The following SLC15A5 variants were observed in gnomAD, a reference collection of about 807,000 sequenced individuals.
The protein encoded by SLC15A5 is solute carrier family 15 member 5.
In SLC15A5, 58 loss-of-function variants were observed where a neutral mutation model predicts 56.1. The observed-to-expected ratio is 1.03, with a 90% CI of 0.84 to 1.29. The LOEUF (loss-of-function observed/expected upper bound fraction) is 1.29, where lower values mean the gene tolerates loss of function less well. Among genes scored for constraint, SLC15A5 ranks in the 50% most tolerant of loss-of-function variants. The pLI is 0.00. For missense variants in SLC15A5, 681 were observed against 672.1 expected (o/e 1.01, Z -0.15); for synonymous variants, 264 against 250.5 (o/e 1.05, Z -0.51).
chr12:16,242,640 A>T (rs1864423926), intron 4 of SLC15A5, among the ~76,000 whole-genome samples: 1 of 152,232 alleles, frequency 6.6e-6, no homozygotes, highest in African/African-American at 2.4e-5. Context: ...TAAGTTGCAC[A>T]TCTAGATTTG....
rs1477291430 is a variant in SLC15A5, at chr12:16,277,561, A to C, written c.125T>G (p.Val42Gly). ...CSSHSVKKIQVGICLLLVELC... is the reference protein window; with the variant it reads ...CSSHSVKKIQGGICLLLVELC... ...CTCCACCAGAAGCAAGCAGATTCCA[A>C]CCTGAATTTTTTTCACAGAGTGTGA... The change falls in exon 1 of 9, where the codon GTT becomes GGT. Residue 42 changes from valine (V) to glycine (G), a missense_variant. By Grantham distance (109) the Val-to-Gly change is moderately radical. Coordinates refer to ENST00000344941, the MANE Select transcript of SLC15A5 (RefSeq NM_001170798.1). 1 of 1,536,456 alleles carries C rather than the reference A, an allele frequency of 6.5e-7. No individual in the cohort carries two copies. The highest frequency in any genetic ancestry group is 8.7e-7 in the Non-Finnish European group (1 of 1,146,448).
Position 16,224,498 on chromosome 12 carries a change from G to T in SLC15A5, c.1267C>A (p.Leu423Ile). The T allele has an allele frequency of 6.5e-7, 1 of 1,537,238 alleles. No individual in the cohort carries two copies. Among genetic ancestry groups the T allele is most frequent in the Non-Finnish European group, 8.7e-7 (1 of 1,146,924 alleles). Reference sequence around the variant, plus strand: ...AAACAGGGCATGGAGGAAACAGTGAGAACTTTTCCTGAAAGGGGCTGCTCC... The same window carrying T: ...AAACAGGGCATGGAGGAAACAGTGATAACTTTTCCTGAAAGGGGCTGCTCC... ...AVEQPLSGKV[L>I]TVSSMPCFYL... The change falls in exon 6 of 9, where the codon CTC (leucine) becomes ATC (isoleucine). Residue 423 changes from leucine (L) to isoleucine (I), a missense_variant. Physicochemically the swap from Leu to Ile is conservative, Grantham distance 5. Transcript: ENST00000344941.
At chr12:16,255,789 T>TA (rs5796659) in intron 3 of SLC15A5, among the ~76,000 whole-genome samples, 26,061 of 151,000 alleles carry the variant, frequency 0.17, 2,455 homozygotes, top group Middle Eastern at 0.22. Flanking sequence ...CTATACTAAG[T>TA]AAAAAAAAAG....
At chr12:16,189,850 CAGATGT>C in intron 8 of SLC15A5, 35 bp from the exon 9 acceptor site, 1 of 1,409,004 alleles carries the variant, frequency 7.1e-7, no homozygotes, top group Non-Finnish European at 9.3e-7. Flanking sequence ...TTCTTAGGAC[CAGATGT>C]AGATGAATTG....
At chr12:16,224,678 T>C in intron 5 of SLC15A5, 76 bp from the exon 6 acceptor site, 4 of 1,345,800 alleles carry the variant, frequency 3.0e-6, no homozygotes, top group Non-Finnish European at 3.9e-6. Context: ...ATAACATTTC[T>C]TACCCATTGA....
chr12:16,264,219 T>G (rs542154612), intron 2 of SLC15A5, among the ~76,000 whole-genome samples: 41 of 152,318 alleles, frequency 2.7e-4, no homozygotes, highest in Middle Eastern at 3.4e-3. Flanking sequence ...ACCTCTTGCA[T>G]TAGCATGACC....
chr12:16,221,017 A>G (rs1864182642), intron 6 of SLC15A5, among the ~76,000 whole-genome samples: 1 of 151,912 alleles, frequency 6.6e-6, no homozygotes. Context: ...AACATGTCTT[A>G]GTAGGGTAGG....
At position 16,272,720 on chromosome 12, in the gene SLC15A5, G is replaced by T; in HGVS notation, c.425C>A (p.Ala142Glu). Reference sequence around the variant, plus strand: ...CTCTGTTTTTGGTATGTTGTTAACTGCATGGTAAGTGCCCAGATAGAAATC... The same window carrying T: ...CTCTGTTTTTGGTATGTTGTTAACTTCATGGTAAGTGCCCAGATAGAAATC... ...LEDFYLGTYH[A>E]VNNIPKTEQH... Residue 142 changes from alanine (A) to glutamate (E), a missense_variant, in exon 2 of 9, where the codon GCA becomes GAA. Physicochemically the swap from Ala to Glu is moderately radical, Grantham distance 107. Coordinates refer to ENST00000344941, the MANE Select transcript of SLC15A5 (RefSeq NM_001170798.1). The T allele has an allele frequency of 1.3e-6, 2 of 1,537,252 alleles. No homozygotes were observed. Among genetic ancestry groups the T allele is most frequent in the South Asian group, 1.2e-5 (1 of 84,062 alleles).
In SLC15A5 at chr12:16,188,493, A is replaced by G. The variant is rs1385232147; in HGVS notation, c.*1175T>C. On this transcript the variant is annotated 3_prime_UTR_variant, in exon 9 of 9. Transcript: ENST00000344941. ...ATGCGTAGCATACCTAATCAAGTTGAGTAAATCTTTTATTCTACAGACCTA... is the reference window on the plus strand; with the variant it reads ...ATGCGTAGCATACCTAATCAAGTTGGGTAAATCTTTTATTCTACAGACCTA... The G allele has an allele frequency of 1.3e-5, 2 of 152,264 alleles. No homozygotes were observed. Among genetic ancestry groups the G allele is most frequent in the Non-Finnish European group, 2.9e-5 (2 of 68,050 alleles). 9.4% of individuals were successfully genotyped at this position (152,264 alleles called of 1,614,324 possible).
chr12:16,273,292 T>G (rs1864780593), intron 1 of SLC15A5, among the ~76,000 whole-genome samples: 1 of 151,990 alleles, frequency 6.6e-6, no homozygotes, highest in Admixed American at 6.6e-5. Flanking sequence ...TCTTTCCTAC[T>G]TCTGTTTCTC....
chr12:16,189,422 T>G lies in SLC15A5; in HGVS notation c.*246A>C, dbSNP rs1187488743. 32 of 277,508 alleles carry G rather than the reference T, an allele frequency of 1.2e-4. 1 individual carries two copies. The East Asian group carries it at 1.8e-3, about 15-fold the overall frequency. 17.2% of individuals were successfully genotyped at this position (277,508 alleles called of 1,614,324 possible). Reference sequence around the variant, plus strand: ...GTGTATAGAAAACTGTCATTTTTTTTGTCATAGAGTAATCACTGAGACTTT... The same window carrying G: ...GTGTATAGAAAACTGTCATTTTTTTGGTCATAGAGTAATCACTGAGACTTT... On this transcript the variant is annotated 3_prime_UTR_variant, in exon 9 of 9. Transcript: ENST00000344941.
At chr12:16,276,678 G>A (rs917461148) in intron 1 of SLC15A5, among the ~76,000 whole-genome samples, 1 of 151,968 alleles carries the variant, frequency 6.6e-6, no homozygotes, top group Admixed American at 6.6e-5. Context: ...TGTTCTTCAA[G>A]TTGCTCTCTA....
rs1864346576 is a variant in SLC15A5, at chr12:16,235,692, C to T, written c.1162+3989G>A. 6.6e-6 allele frequency among the ~76,000 whole-genome samples: 1 copy of T among 152,126 alleles called. No homozygotes were observed. Among genetic ancestry groups the T allele is most frequent in the African/African-American group, 2.4e-5 (1 of 41,448 alleles). On this transcript the variant is annotated intron_variant, in intron 5 of 8. Transcript: ENST00000344941. This position sits in a 1 kb window ranked among gnomAD's most constrained non-coding sequence, Gnocchi z 4.1. ...GCAGTTCCTCCTATCAAGTATTTTA[C>T]AATGGGTACATACCATGATGTTTCT...
At chr12:16,223,126 G>A (rs767101933) in intron 6 of SLC15A5, among the ~76,000 whole-genome samples, 1 of 150,412 alleles carries the variant, frequency 6.6e-6, no homozygotes, top group African/African-American at 2.4e-5. Flanking sequence ...AAGTATGTGT[G>A]TGTATAAATA....
Position 16,189,413 on chromosome 12 carries a change from C to A in SLC15A5, c.*255G>T. 4.6e-6 allele frequency: 1 copy of A among 217,716 alleles called. No individual in the cohort carries two copies. The highest frequency in any genetic ancestry group is 8.2e-6 in the Non-Finnish European group (1 of 122,680). 13.5% of individuals were successfully genotyped at this position (217,716 alleles called of 1,614,324 possible). The stretch of plus-strand genomic sequence containing the variant: ...GTATTATTGGTGTATAGAAAACTGT[C>A]ATTTTTTTTGTCATAGAGTAATCAC... On this transcript the variant is annotated 3_prime_UTR_variant, in exon 9 of 9. Transcript: ENST00000344941.
chr12:16,251,004 T>G (rs1864513637), intron 3 of SLC15A5, among the ~76,000 whole-genome samples: 2 of 151,962 alleles, frequency 1.3e-5, no homozygotes, highest in Admixed American at 6.6e-5. Context: ...TTGCAACTTT[T>G]GTCATGGACA....
rs542257310 is a variant in SLC15A5 at position 16,273,372 on chromosome 12, G to A, written c.362-589C>T. ...TGGAGCCTTCTTTGCCACAAACAGAGTTGAGAAAGCTGGGGACAGAGGAGT... is the reference window on the plus strand; with the variant it reads ...TGGAGCCTTCTTTGCCACAAACAGAATTGAGAAAGCTGGGGACAGAGGAGT... On this transcript the variant is annotated intron_variant, in intron 1 of 8. Coordinates refer to ENST00000344941, the MANE Select transcript of SLC15A5 (RefSeq NM_001170798.1). 2.6e-5 allele frequency among the ~76,000 whole-genome samples: 4 copies of A among 151,900 alleles called. No individual in the cohort carries two copies. The East Asian group carries it at 7.8e-4, about 29-fold the overall frequency.
rs56094748 is a variant in SLC15A5, at chr12:16,260,187, G to A, written c.585-2317C>T. Among the ~76,000 whole-genome samples, 165 of 152,274 alleles carry A rather than the reference G, an allele frequency of 1.1e-3. 1 individual carries two copies. The highest frequency in any genetic ancestry group is 3.7e-3 in the African/African-American group (154 of 41,552). On this transcript the variant is annotated intron_variant, in intron 2 of 8. Coordinates refer to ENST00000344941, the MANE Select transcript of SLC15A5 (RefSeq NM_001170798.1). The stretch of plus-strand genomic sequence containing the variant: ...ACCTTTTCCCTAATACTTTGTGTAA[G>A]GGGAGCAGGACTTTTTTTGGAGCTG...
At chr12:16,215,908 G>C (rs1329303955) in intron 7 of SLC15A5, among the ~76,000 whole-genome samples, 2 of 152,052 alleles carry the variant, frequency 1.3e-5, no homozygotes, top group Non-Finnish European at 2.9e-5. Flanking sequence ...TGCTTGCCAT[G>C]GTATCACCAG....
Sources: gnomAD v4.1 joint callset for allele counts (sites outside exome capture counted in the v4.1 genomes callset) on GRCh38, gnomAD v4.1.1 for gene constraint, Gnocchi (gnomAD v3.1) non-coding constraint, MANE v1.5 for transcripts, NCBI Gene and HGNC (gene_info 2026-07-23, HGNC 2026-07-21) for gene names.